Variants in DCC observed in about 807,000 individuals in gnomAD.
DCC encodes the protein DCC netrin 1 receptor.
In DCC, 58 loss-of-function variants were observed where a neutral mutation model predicts 172.5. The observed-to-expected ratio is 0.34, with a 90% confidence interval of 0.27 to 0.42. DCC has a LOEUF of 0.42. Ranked by LOEUF, DCC falls within the 10% of genes least tolerant of loss-of-function variation. The pLI, the probability that DCC is intolerant of heterozygous loss-of-function variation, is 1.00. For synonymous variants in DCC, 709 were observed against 644.5 expected, an observed-to-expected ratio of 1.10 and a Z score of -1.52; for missense variants, 1,740 against 1,791.0, an observed-to-expected ratio of 0.97 and a Z score of 0.51.
At chr18:53,284,779 A>G (rs2056916829) in intron 12 of DCC, among the ~76,000 whole-genome samples, 1 of 152,134 alleles carries the variant, frequency 6.6e-6, no homozygotes, top group Non-Finnish European at 1.5e-5. Context: ...CTCCCTAGAA[A>G]CTTGTTAAGT....
chr18:52,802,561 C>T (rs759509542), intron 2 of DCC, among the ~76,000 whole-genome samples: 13 of 148,220 alleles, frequency 8.8e-5, no homozygotes, highest in Admixed American at 2.0e-4. Context: ...TGACTGCAGC[C>T]TCAGTCTCCT....
intron 1 of DCC, among the ~76,000 whole-genome samples, chr18:52,544,138 T>C (rs932993305): frequency 2.0e-5 from 3 of 152,136 alleles, no homozygotes; most frequent in Non-Finnish European, 4.4e-5. Flanking sequence ...GAAAGAAAAA[T>C]GTATGCTTAT....
At position 53,492,644 on chromosome 18, in the gene DCC, C is replaced by T. The variant is rs141240683; in HGVS notation, c.3898+5686C>T. Among the ~76,000 whole-genome samples the T allele has an allele frequency of 2.0e-3, 297 of 152,136 alleles. 3 individuals are homozygous for T. Among genetic ancestry groups the T allele is most frequent in the East Asian group, 1.7e-3 (9 of 5,178 alleles). On this transcript the variant is annotated intron_variant, in intron 26 of 28. Coordinates refer to ENST00000442544, the MANE Select transcript of DCC (RefSeq NM_005215.4). ...TGTGTGGTATTATTTCTGAGGCATC[C>T]GTTCTGTTCTGTTGGTCTGTATATC...
chr18:52,931,830 G>C (rs1421340341), intron 5 of DCC: 1 of 152,086 alleles, frequency 6.6e-6, no homozygotes, highest in Admixed American at 6.6e-5. Flanking sequence ...TGGGTACAAG[G>C]ATTGCACTAG....
At chr18:52,757,614 T>A (rs1379870332) in intron 2 of DCC, among the ~76,000 whole-genome samples, 1 of 152,014 alleles carries the variant, frequency 6.6e-6, no homozygotes, top group Non-Finnish European at 1.5e-5. Flanking sequence ...TGGGACAGGC[T>A]CCTCCAAGGG....
intron 5 of DCC, among the ~76,000 whole-genome samples, chr18:52,929,292 A>C (rs2040266165): frequency 6.6e-6 from 1 of 152,122 alleles, no homozygotes; most frequent in Non-Finnish European, 1.5e-5. Flanking sequence ...AGTCTTAGGC[A>C]TATGCTTTAC....
chr18:52,535,911 G>C (rs1408657752), intron 1 of DCC, among the ~76,000 whole-genome samples: 2 of 152,152 alleles, frequency 1.3e-5, no homozygotes, highest in African/African-American at 4.8e-5. Context: ...GGCTGTAAGA[G>C]AGTTTGTTCA....
chr18:53,224,337 A>T lies in DCC; in HGVS notation c.1911+8740A>T, dbSNP rs1204895389. Among the ~76,000 whole-genome samples the T allele has an allele frequency of 2.0e-5, 3 of 152,164 alleles. No homozygotes were observed. In the East Asian group the frequency reaches 5.8e-4, roughly 29 times the overall value. ...GCAGTAAGGAGGGAACTATCTTTGCATGACTGTGAAGCTGAAATGAGAATA... is the reference window on the plus strand; with the variant it reads ...GCAGTAAGGAGGGAACTATCTTTGCTTGACTGTGAAGCTGAAATGAGAATA... On this transcript the variant is annotated intron_variant, in intron 12 of 28. Coordinates refer to ENST00000442544, the MANE Select transcript of DCC (RefSeq NM_005215.4).
rs5824997 is a variant in DCC at position 53,199,079 on chromosome 18, C to CT, written c.1574-6123dup. Reference sequence around the variant, plus strand: ...ATTGTTAAAAATTTTTTTTCTTTTTCTTTTTTTTTTTTTTGAGATGGAGTC... The same window carrying CT: ...ATTGTTAAAAATTTTTTTTCTTTTTCTTTTTTTTTTTTTTTGAGATGGAGTC... On this transcript the variant is annotated intron_variant, in intron 9 of 28. Coordinates refer to ENST00000442544, the MANE Select transcript of DCC (RefSeq NM_005215.4). Among the ~76,000 whole-genome samples the CT allele has an allele frequency of 8.9e-4, 125 of 140,514 alleles. 1 individual carries two copies. Among genetic ancestry groups the CT allele is most frequent in the East Asian group, 1.5e-3 (7 of 4,742 alleles). 92.2% of individuals were successfully genotyped at this position (140,514 alleles called of 152,430 possible). A position where few individuals can be genotyped will look rare whatever the true frequency, so the allele number is the denominator to read the frequency against.
At chr18:53,468,342 TTTTA>T (rs60585459) in intron 25 of DCC, among the ~76,000 whole-genome samples, 1 of 131,026 alleles carries the variant, frequency 7.6e-6, no homozygotes, top group African/African-American at 3.3e-5. Context: ...CATAGTTTAT[TTTTA>T]TTTATTTATT....
chr18:53,100,184 G>A (rs1239579507), intron 7 of DCC, among the ~76,000 whole-genome samples: 7 of 151,878 alleles, frequency 4.6e-5, no homozygotes, highest in Admixed American at 3.3e-4. Context: ...CTGACCTCAA[G>A]TGATCCACCT....
At chr18:53,192,871 C>G (rs932186939) in intron 9 of DCC, among the ~76,000 whole-genome samples, 1 of 152,170 alleles carries the variant, frequency 6.6e-6, no homozygotes, top group South Asian at 2.1e-4. Context: ...TCCAGTGTTT[C>G]CTTTCTCAGT....
intron 24 of DCC, among the ~76,000 whole-genome samples, chr18:53,463,630 G>A (rs115451357): frequency 0.019 from 2,821 of 152,142 alleles, 88 homozygotes; most frequent in African/African-American, 0.064. Context: ...TGAGGTAGAT[G>A]CTATCATTCT....
chr18:52,386,108 A>G (rs770026459), intron 1 of DCC, among the ~76,000 whole-genome samples: 3 of 152,086 alleles, frequency 2.0e-5, no homozygotes, highest in Non-Finnish European at 4.4e-5. Context: ...ATTAGCCAAC[A>G]TTAATGTTAT....
intron 2 of DCC, among the ~76,000 whole-genome samples, chr18:52,792,111 C>T (rs886940468): frequency 6.6e-6 from 1 of 151,920 alleles, no homozygotes; most frequent in Non-Finnish European, 1.5e-5. Flanking sequence ...GAGAGAGTAC[C>T]TATTCCACTA....
At chr18:53,518,333 A>G (rs1200521354) in intron 27 of DCC, among the ~76,000 whole-genome samples, 2 of 152,116 alleles carry the variant, frequency 1.3e-5, no homozygotes, top group African/African-American at 2.4e-5. Flanking sequence ...AATCAAAACC[A>G]TGCTGTGCAT....
chr18:52,502,878 C>T (rs1286529999), intron 1 of DCC, among the ~76,000 whole-genome samples: 2 of 152,174 alleles, frequency 1.3e-5, no homozygotes, highest in East Asian at 1.9e-4. Flanking sequence ...TATACCAAAA[C>T]ATTTATTTTG....
chr18:53,364,181 T>C (rs1299215806), intron 15 of DCC, among the ~76,000 whole-genome samples: 2 of 152,192 alleles, frequency 1.3e-5, no homozygotes, highest in Non-Finnish European at 2.9e-5. Flanking sequence ...TTCTTTTTAT[T>C]ATCTGGGAGA....
chr18:53,033,652 A>G (rs2042054603), intron 5 of DCC, among the ~76,000 whole-genome samples: 1 of 151,860 alleles, frequency 6.6e-6, no homozygotes, highest in Non-Finnish European at 1.5e-5. Context: ...TGCATCATCT[A>G]TTTTTCCCTC....
Sources: gnomAD v4.1 joint callset for allele counts (sites outside exome capture counted in the v4.1 genomes callset) on GRCh38, gnomAD v4.1.1 for gene constraint, MANE v1.5 for transcripts, NCBI Gene and HGNC (gene_info 2026-07-23, HGNC 2026-07-21) for gene names.